The following ANO3 variants were observed in gnomAD, a reference collection of about 807,000 sequenced individuals.
ANO3 encodes anoctamin-3.
In ANO3, 99 loss-of-function variants were observed where a neutral mutation model predicts 144.8. The ratio of observed to expected loss-of-function variants is 0.68; its 90% CI spans 0.58 to 0.81. The LOEUF (loss-of-function observed/expected upper bound fraction) is 0.81, where lower values mean the gene tolerates loss of function less well. Among genes scored for constraint, ANO3 ranks in the 30% least tolerant of loss-of-function variants. The probability of loss-of-function intolerance (pLI) is 0.00; values close to 1 mark genes in which losing one functional copy is unlikely to be tolerated. For missense variants in ANO3, 905 were observed against 1,202.2 expected (o/e 0.75, Z 3.66); for synonymous variants, 414 against 392.6 (o/e 1.05, Z -0.64).
chr11:26,318,525 A>T (rs1207384599), intron 1 of ANO3, among the ~76,000 whole-genome samples: 2 of 152,236 alleles, frequency 1.3e-5, no homozygotes, highest in Non-Finnish European at 2.9e-5. Context: ...AATAGGACTA[A>T]TCGGTAGGGA....
intron 1 of ANO3, among the ~76,000 whole-genome samples, chr11:26,197,940 C>G (rs1851621883): frequency 6.6e-6 from 1 of 152,188 alleles, no homozygotes; most frequent in Non-Finnish European, 1.5e-5. Context: ...GCATCTCACT[C>G]AAGCCCACCT....
chr11:26,245,596 T>C (rs1023974493), intron 1 of ANO3, among the ~76,000 whole-genome samples: 2 of 152,214 alleles, frequency 1.3e-5, no homozygotes, highest in African/African-American at 4.8e-5. Flanking sequence ...CATAGGAATA[T>C]TGCATATGGT....
chr11:26,336,580 T>C (rs1368054840), intron 1 of ANO3, among the ~76,000 whole-genome samples: 1 of 152,236 alleles, frequency 6.6e-6, no homozygotes. Context: ...GGCACAACTA[T>C]CCTGCTTTGT....
In ANO3 at chr11:26,634,252, T is replaced by C; in HGVS notation, c.1922T>C (p.Met641Thr). The C allele has an allele frequency of 6.2e-7, 1 of 1,614,040 alleles. No homozygotes were observed. Among genetic ancestry groups the C allele is most frequent in the Non-Finnish European group, 8.5e-7 (1 of 1,179,964 alleles). The change falls in exon 19 of 27, where the codon ATG becomes ACG. Residue 641 changes from methionine (M) to threonine (T), a missense_variant. Physicochemically the swap from Met to Thr is moderately conservative, Grantham distance 81. This residue lies in a region of ANO3 where 597 missense variants were observed against 865.1 expected (regional missense o/e 0.69). Coordinates refer to ENST00000256737, the MANE Select transcript of ANO3 (RefSeq NM_031418.4). ...SEWENSFALKMFLFQFVNLNS... is the reference protein window; with the variant it reads ...SEWENSFALKTFLFQFVNLNS... Reference sequence around the variant, plus strand: ...TGGGAAAACAGCTTCGCCCTGAAGATGTTCCTCTTCCAGTTTGTCAATTTA... The same window carrying C: ...TGGGAAAACAGCTTCGCCCTGAAGACGTTCCTCTTCCAGTTTGTCAATTTA...
chr11:26,284,651 G>A (rs2133847509), intron 1 of ANO3, among the ~76,000 whole-genome samples: 1 of 152,204 alleles, frequency 6.6e-6, no homozygotes, highest in Middle Eastern at 3.4e-3. Context: ...TGTAATCCCA[G>A]CAATTTGGGA....
chr11:26,276,050 G>T lies in ANO3; in HGVS notation c.155-33595G>T, dbSNP rs146091407. On this transcript the variant is annotated intron_variant, in intron 1 of 27. Transcript: ENST00000672621. Reference sequence around the variant, plus strand: ...TACTAGAGTTAGCGGCCAAATATGGGTGTTCTGCACAAGGGAGGCCTTGCT... The same window carrying T: ...TACTAGAGTTAGCGGCCAAATATGGTTGTTCTGCACAAGGGAGGCCTTGCT... Among the ~76,000 whole-genome samples, 727 of 152,220 alleles carry T rather than the reference G, an allele frequency of 4.8e-3. 4 individuals are homozygous for T. Among genetic ancestry groups the T allele is most frequent in the Non-Finnish European group, 7.9e-3 (538 of 68,000 alleles).
At chr11:26,559,673 T>C (rs763126322) in intron 13 of ANO3, 46 bp from the exon 14 acceptor site, 8 of 1,396,158 alleles carry the variant, frequency 5.7e-6, no homozygotes, top group Non-Finnish European at 8.1e-6. Flanking sequence ...ACTGGCTTAT[T>C]ATAATCAATT....
At chr11:26,204,510 T>G (rs1308420577) in intron 1 of ANO3, among the ~76,000 whole-genome samples, 2 of 152,162 alleles carry the variant, frequency 1.3e-5, no homozygotes, top group African/African-American at 2.4e-5. Context: ...CAATTTTCCC[T>G]GAGAATAATT....
intron 1 of ANO3, among the ~76,000 whole-genome samples, chr11:26,427,585 C>A (rs1274378708): frequency 6.6e-6 from 1 of 152,070 alleles, no homozygotes; most frequent in Non-Finnish European, 1.5e-5. Flanking sequence ...GAGCATAAAA[C>A]CATTTTTACT....
chr11:26,566,013 T>C (rs1260066198), intron 14 of ANO3: 4 of 1,083,864 alleles, frequency 3.7e-6, no homozygotes, highest in Non-Finnish European at 5.0e-6. Context: ...GGTAATATCA[T>C]ATTTTTATTC....
chr11:26,305,191 A>T (rs1422383819), upstream of ANO3, among the ~76,000 whole-genome samples: 1 of 152,098 alleles, frequency 6.6e-6, no homozygotes, highest in Non-Finnish European at 1.5e-5. Flanking sequence ...CCACATAAAC[A>T]ACTTTGGTTC....
At chr11:26,226,000 C>G (rs554193462) in intron 1 of ANO3, among the ~76,000 whole-genome samples, 1 of 152,180 alleles carries the variant, frequency 6.6e-6, no homozygotes, top group African/African-American at 2.4e-5. Context: ...ATGTGCTCAC[C>G]TGTTAAGTAC....
At chr11:26,451,921 C>T (rs1205715197) in intron 3 of ANO3, among the ~76,000 whole-genome samples, 2 of 152,124 alleles carry the variant, frequency 1.3e-5, no homozygotes, top group Non-Finnish European at 2.9e-5. Context: ...GCAGCATTCG[C>T]GGTTCACGAA....
chr11:26,449,487 T>TCTCTCTCA (rs1305488645), intron 3 of ANO3, among the ~76,000 whole-genome samples: 6 of 28,076 alleles, frequency 2.1e-4, no homozygotes, highest in Non-Finnish European at 4.6e-4. Context: ...TCTCTCTCTC[T>TCTCTCTCA]CACACACACA....
At chr11:26,198,591 C>T (rs1040023114) in intron 1 of ANO3, among the ~76,000 whole-genome samples, 16 of 152,094 alleles carry the variant, frequency 1.1e-4, no homozygotes, top group African/African-American at 3.6e-4. Flanking sequence ...ATGACAAGAA[C>T]AAAGAGCATG....
chr11:26,258,442 A>C (rs929406749), intron 1 of ANO3, among the ~76,000 whole-genome samples: 6 of 152,214 alleles, frequency 3.9e-5, no homozygotes, highest in African/African-American at 1.4e-4. Flanking sequence ...GAGAATACTT[A>C]CAAATAAAAA....
At chr11:26,240,686 G>T (rs1421201576) in intron 1 of ANO3, among the ~76,000 whole-genome samples, 1 of 152,022 alleles carries the variant, frequency 6.6e-6, no homozygotes. Flanking sequence ...TGACTACCTG[G>T]ATAAATAGTG....
At chr11:26,647,657 G>A (rs1015131162) in intron 23 of ANO3, 52 bp from the exon 24 acceptor site, 32 of 1,512,400 alleles carry the variant, frequency 2.1e-5, no homozygotes, top group African/African-American at 9.7e-5. Flanking sequence ...TTAATTACAG[G>A]GTTTTCATAT....
rs1183023481 is a variant in ANO3 at position 26,544,251 on chromosome 11, C to CACATATATATATATATATATATATAT, written c.1154+2184_1154+2185insCATATATATATATATATATATATATA. On this transcript the variant is annotated intron_variant, in intron 11 of 26. Coordinates refer to ENST00000256737, the MANE Select transcript of ANO3 (RefSeq NM_031418.4). The stretch of plus-strand genomic sequence containing the variant: ...TAAGGTTAAGTAGTATTTCATTATA[C>CACATATATATATATATATATATATAT]ATATATATATATATATATATATACA... 1.1e-3 allele frequency among the ~76,000 whole-genome samples: 42 copies of CACATATATATATATATATATATATAT among 38,428 alleles called. 2 individuals are homozygous for CACATATATATATATATATATATATAT. Among genetic ancestry groups the CACATATATATATATATATATATATAT allele is most frequent in the South Asian group, 7.7e-3 (3 of 388 alleles). 25.2% of individuals were successfully genotyped at this position (38,428 alleles called of 152,430 possible). A position where few individuals can be genotyped will look rare whatever the true frequency, so the allele number is the denominator to read the frequency against.
Sources: allele counts gnomAD v4.1 joint callset (sites outside exome capture counted in the v4.1 genomes callset), GRCh38; gene constraint gnomAD v4.1.1; regional missense constraint gnomAD v4.1.1; transcripts MANE v1.5; gene names NCBI Gene and HGNC (gene_info 2026-07-23, HGNC 2026-07-21).